The following DIAPH3 variants were observed in gnomAD, a reference collection of about 807,000 sequenced individuals.
DIAPH3 encodes the protein diaphanous related formin 3, also known as protein diaphanous homolog 3.
A neutral mutation model predicts 144.3 loss-of-function variants in DIAPH3; 117 were observed. The observed-to-expected ratio is 0.81, with a 90% CI of 0.70 to 0.95. DIAPH3 has a LOEUF of 0.95. DIAPH3 is among the 40% of genes least tolerant of loss of function. The pLI is 0.00. For missense variants in DIAPH3, 1,421 were observed against 1,412.7 expected (o/e 1.01, Z -0.09); for synonymous variants, 519 against 488.9 (o/e 1.06, Z -0.81).
At chr13:59,728,469 A>C (rs1459497309) in intron 27 of DIAPH3, among the ~76,000 whole-genome samples, 1 of 152,156 alleles carries the variant, frequency 6.6e-6, no homozygotes, top group Non-Finnish European at 1.5e-5. Flanking sequence ...ATAAAAAAGA[A>C]AAGATAGAAG....
At chr13:60,099,907 A>AGAAG (rs748938775) in intron 3 of DIAPH3, among the ~76,000 whole-genome samples, 12,566 of 104,260 alleles carry the variant, frequency 0.12, 943 homozygotes, top group East Asian at 0.13. Context: ...AGAAAGTAAG[A>AGAAG]GAAGGAAGGA....
intron 17 of DIAPH3, among the ~76,000 whole-genome samples, chr13:59,928,872 T>C (rs948748857): frequency 6.6e-6 from 1 of 151,924 alleles, no homozygotes; most frequent in African/African-American, 2.4e-5. Context: ...CCCCTGGGGG[T>C]TGTACTTGGG....
intron 22 of DIAPH3, among the ~76,000 whole-genome samples, chr13:59,859,250 G>A (rs887760768): frequency 1.3e-5 from 2 of 151,966 alleles, no homozygotes; most frequent in South Asian, 2.1e-4. Context: ...ACATACTAAC[G>A]GTGTCTGCTG....
intron 17 of DIAPH3, 44 bp downstream of exon 17, chr13:59,969,900 A>T (rs1392718520): frequency 3.2e-6 from 4 of 1,265,174 alleles, no homozygotes. Context: ...TATATGTTAA[A>T]ATTCTAAAAT....
At chr13:59,983,308 T>C (rs750718079) in intron 13 of DIAPH3, among the ~76,000 whole-genome samples, 1 of 151,282 alleles carries the variant, frequency 6.6e-6, no homozygotes, top group African/African-American at 2.4e-5. Context: ...TCTTTGCCTA[T>C]GGAGAATTTG....
chr13:59,705,140 G>T (rs1439492322), intron 27 of DIAPH3, among the ~76,000 whole-genome samples: 1 of 151,216 alleles, frequency 6.6e-6, no homozygotes, highest in Non-Finnish European at 1.5e-5. Context: ...TGAGAGATTT[G>T]CATTCAAAAA....
intron 25 of DIAPH3, among the ~76,000 whole-genome samples, chr13:59,775,902 A>G (rs1254027334): frequency 2.6e-5 from 4 of 152,204 alleles, no homozygotes; most frequent in Admixed American, 2.6e-4. Context: ...TAATACTTAT[A>G]AGTATTTATA....
chr13:59,782,379 A>G (rs1352702388), intron 25 of DIAPH3, among the ~76,000 whole-genome samples: 1 of 152,174 alleles, frequency 6.6e-6, no homozygotes, highest in Admixed American at 6.5e-5. Flanking sequence ...GCAACAGTCT[A>G]TGCTATTATC....
chr13:59,702,545 A>G (rs1487012790), intron 27 of DIAPH3, among the ~76,000 whole-genome samples: 5 of 152,150 alleles, frequency 3.3e-5, no homozygotes, highest in Non-Finnish European at 7.4e-5. Flanking sequence ...GACCTTTCAC[A>G]CTGCACTTAC....
At chr13:60,086,619 G>C (rs564449007) in intron 4 of DIAPH3, among the ~76,000 whole-genome samples, 4 of 151,378 alleles carry the variant, frequency 2.6e-5, no homozygotes, top group Non-Finnish European at 5.9e-5. Flanking sequence ...AAAAATTCAC[G>C]TTAATGTTAA....
intron 4 of DIAPH3, among the ~76,000 whole-genome samples, chr13:60,086,249 T>A (rs1004790678): frequency 6.6e-6 from 1 of 152,226 alleles, no homozygotes; most frequent in African/African-American, 2.4e-5. Context: ...CTAGAGAACA[T>A]GAAACACCAC....
intron 4 of DIAPH3, among the ~76,000 whole-genome samples, chr13:60,083,750 A>T (rs888300735): frequency 3.3e-5 from 5 of 152,070 alleles, no homozygotes; most frequent in African/African-American, 1.2e-4. Flanking sequence ...AAAAAATTTT[A>T]AATAAAGACC....
chr13:59,828,266 C>T (rs931247893), intron 24 of DIAPH3, among the ~76,000 whole-genome samples: 1 of 151,972 alleles, frequency 6.6e-6, no homozygotes, highest in African/African-American at 2.4e-5. Context: ...CCAGGCTTTA[C>T]ATTAATAGTC....
At position 59,958,268 on chromosome 13, in the gene DIAPH3, G is replaced by A. The variant is rs185180231; in HGVS notation, c.2074+11676C>T. ...TATTCATATCCATTATTAGGTCTGCGTAACATTTGAACTAGGAAAAGGTCT... is the reference window on the plus strand; with the variant it reads ...TATTCATATCCATTATTAGGTCTGCATAACATTTGAACTAGGAAAAGGTCT... On this transcript the variant is annotated intron_variant, in intron 17 of 27. Coordinates refer to ENST00000400324, the MANE Select transcript of DIAPH3 (RefSeq NM_001042517.2). Among the ~76,000 whole-genome samples, 514 of 152,088 alleles carry A rather than the reference G, an allele frequency of 3.4e-3. 2 individuals carry two copies. Among genetic ancestry groups the A allele is most frequent in the African/African-American group, 0.011 (473 of 41,508 alleles).
chr13:59,763,138 A>G (rs1164686285), intron 27 of DIAPH3, among the ~76,000 whole-genome samples: 1 of 151,644 alleles, frequency 6.6e-6, no homozygotes, highest in Admixed American at 6.6e-5. Context: ...ATATTGTACT[A>G]TTTTTTTCTG....
At chr13:59,883,284 T>C (rs983156362) in intron 20 of DIAPH3, among the ~76,000 whole-genome samples, 21 of 152,154 alleles carry the variant, frequency 1.4e-4, no homozygotes, top group African/African-American at 5.1e-4. Flanking sequence ...ATTTTATCCA[T>C]TATTCTATAA....
chr13:60,125,703 T>C (rs746007972), intron 2 of DIAPH3, among the ~76,000 whole-genome samples: 13 of 152,132 alleles, frequency 8.5e-5, no homozygotes, highest in Non-Finnish European at 1.5e-4. Flanking sequence ...ACTTGACCTA[T>C]ATAAAACAGT....
At chr13:59,964,927 G>A (rs2049966715) in intron 17 of DIAPH3, among the ~76,000 whole-genome samples, 1 of 152,022 alleles carries the variant, frequency 6.6e-6, no homozygotes, top group African/African-American at 2.4e-5. Context: ...AAAACATGTT[G>A]CATTTATTTT....
chr13:60,122,169 C>T (rs200213161), intron 2 of DIAPH3, among the ~76,000 whole-genome samples: 2 of 152,274 alleles, frequency 1.3e-5, no homozygotes, highest in East Asian at 3.9e-4. Context: ...AATCTTTTCA[C>T]CACTCCACCA....
Sources: allele counts gnomAD v4.1 joint callset (sites outside exome capture counted in the v4.1 genomes callset), GRCh38; gene constraint gnomAD v4.1.1; transcripts MANE v1.5; gene names NCBI Gene and HGNC (gene_info 2026-07-23, HGNC 2026-07-21).